SPIDR: variants seen among roughly 807,000 people sequenced by gnomAD.
SPIDR encodes scaffold protein involved in DNA repair.
In SPIDR, 93 loss-of-function variants were observed where a neutral mutation model predicts 104.6. The ratio of observed to expected loss-of-function variants is 0.89; its 90% confidence interval spans 0.75 to 1.06. The LOEUF is 1.06. Among genes scored for constraint, SPIDR ranks in the 50% least tolerant of loss-of-function variants. The pLI is 0.00. For missense variants in SPIDR, 1,154 were observed against 1,111.2 expected (o/e 1.04, Z -0.55); for synonymous variants, 431 against 416.9 (o/e 1.03, Z -0.41).
At chr8:47,694,741 T>C (rs1250626255) in intron 11 of SPIDR, among the ~76,000 whole-genome samples, 3 of 151,988 alleles carry the variant, frequency 2.0e-5, no homozygotes, top group Non-Finnish European at 4.4e-5. Context: ...AGAGCAAGAC[T>C]CTATCTCCAA....
chr8:47,496,843 T>TGTCA (rs2079540479), intron 8 of SPIDR, among the ~76,000 whole-genome samples: 1 of 151,036 alleles, frequency 6.6e-6, no homozygotes, highest in Admixed American at 6.6e-5. Context: ...TTTGTTTGTT[T>TGTCA]GTCAGAAGTT....
chr8:47,291,366 G>A (rs1024074947), intron 4 of SPIDR, among the ~76,000 whole-genome samples: 3 of 152,170 alleles, frequency 2.0e-5, no homozygotes, highest in African/African-American at 4.8e-5. Flanking sequence ...TGCTGGTGAG[G>A]TTGTGGAGAA....
At chr8:47,632,908 G>A (rs553558497) in intron 10 of SPIDR, among the ~76,000 whole-genome samples, 5 of 152,298 alleles carry the variant, frequency 3.3e-5, no homozygotes, top group East Asian at 1.9e-4. Flanking sequence ...GGCCTGCAGC[G>A]GAAGCTCCCA....
intron 8 of SPIDR, among the ~76,000 whole-genome samples, chr8:47,575,890 G>A (rs1301184424): frequency 6.6e-6 from 1 of 150,444 alleles, no homozygotes; most frequent in Non-Finnish European, 1.5e-5. Context: ...AACCTGGCAG[G>A]CGGAGGTTGC....
intron 5 of SPIDR, among the ~76,000 whole-genome samples, chr8:47,349,212 T>C (rs1046051408): frequency 6.6e-6 from 1 of 152,230 alleles, no homozygotes; most frequent in African/African-American, 2.4e-5. Flanking sequence ...GACCCTCAGC[T>C]GCAGGTCTGT....
chr8:47,268,673 G>A (rs2034600912), intron 1 of SPIDR, among the ~76,000 whole-genome samples: 1 of 152,066 alleles, frequency 6.6e-6, no homozygotes, highest in South Asian at 2.1e-4. Flanking sequence ...GCCCAGGCTG[G>A]TCTCAAATTC....
intron 8 of SPIDR, chr8:47,511,766 T>C (rs1284176442): frequency 1.5e-6 from 2 of 1,301,958 alleles, no homozygotes; most frequent in African/African-American, 1.4e-5. Context: ...CCATGCTCTT[T>C]GGCACCTTTA....
intron 8 of SPIDR, among the ~76,000 whole-genome samples, chr8:47,504,717 T>TCTGCTC (rs1459992381): frequency 9.2e-5 from 14 of 152,330 alleles, no homozygotes; most frequent in Admixed American, 2.6e-4. Flanking sequence ...CACTCTGATT[T>TCTGCTC]TTAGAGTTTC....
intron 7 of SPIDR, among the ~76,000 whole-genome samples, chr8:47,422,057 G>A (rs1554681165): frequency 6.6e-6 from 1 of 152,206 alleles, no homozygotes; most frequent in African/African-American, 2.4e-5. Context: ...TCGGAGGTCA[G>A]GGCCCCACTT....
intron 8 of SPIDR, among the ~76,000 whole-genome samples, chr8:47,542,738 T>A (rs2088471422): frequency 6.6e-6 from 1 of 152,308 alleles, no homozygotes; most frequent in South Asian, 2.1e-4. Context: ...TGCAGAACTG[T>A]CATACAATGT....
rs548984303 is a variant in SPIDR at position 47,620,711 on chromosome 8, G to A, written c.1544+21515G>A. 4.6e-5 allele frequency among the ~76,000 whole-genome samples: 7 copies of A among 151,850 alleles called. No individual in the cohort carries two copies. The South Asian group carries it at 1.0e-3, about 23-fold the overall frequency. ...CGGCTAACTGCAATCTCCACCTCCC[G>A]GGTTCAAACGAGTTCCCTGCCTCAG... On this transcript the variant is annotated intron_variant, in intron 10 of 19. Coordinates refer to ENST00000297423, the MANE Select transcript of SPIDR (RefSeq NM_001080394.4).
At chr8:47,480,030 AG>A (rs1363740411) in intron 8 of SPIDR, among the ~76,000 whole-genome samples, 7 of 152,240 alleles carry the variant, frequency 4.6e-5, no homozygotes, top group African/African-American at 1.7e-4. Flanking sequence ...TCAGGGTGAA[AG>A]AAAAAGTAAA....
chr8:47,261,522 C>T (rs1453667676), intron 1 of SPIDR, among the ~76,000 whole-genome samples: 1 of 152,214 alleles, frequency 6.6e-6, no homozygotes, highest in African/African-American at 2.4e-5. Context: ...TGTTTGATTG[C>T]ACCTGTATCC....
chr8:47,682,655 A>C (rs1190156644), intron 11 of SPIDR, among the ~76,000 whole-genome samples: 2 of 152,242 alleles, frequency 1.3e-5, no homozygotes, highest in East Asian at 3.8e-4. Flanking sequence ...CAACTATTTC[A>C]TAAGTTCAGT....
chr8:47,521,095 A>G (rs2083999286), intron 8 of SPIDR, among the ~76,000 whole-genome samples: 1 of 152,192 alleles, frequency 6.6e-6, no homozygotes, highest in South Asian at 2.1e-4. Flanking sequence ...GTCAATAGAG[A>G]GGCTCCGAAG....
rs1435869860 is a variant in SPIDR, at chr8:47,479,382, A to G, written c.1097+38840A>G. ...AAAAAAAAAAAAAAAGAAAGAAAGG[A>G]AAGAAAAGAAAGACATGTGGAGCAC... On this transcript the variant is annotated intron_variant, in intron 8 of 19. Coordinates refer to ENST00000297423, the MANE Select transcript of SPIDR (RefSeq NM_001080394.4). Among the ~76,000 whole-genome samples, 5 of 151,786 alleles carry G rather than the reference A, an allele frequency of 3.3e-5. No homozygotes were observed. In the East Asian group the frequency reaches 9.7e-4, roughly 29 times the overall value.
chr8:47,277,442 TG>T lies in SPIDR; in HGVS notation c.34-2419del, dbSNP rs1345904550. Among the ~76,000 whole-genome samples, 387 of 151,964 alleles carry T rather than the reference TG, an allele frequency of 2.5e-3. 1 individual carries two copies. The highest frequency in any genetic ancestry group is 0.01 in the Middle Eastern group (3 of 290). Reference sequence around the variant, plus strand: ...GAACTGTGGCGTGATTATAGCTTACTGCAGCCTCAAACTCCTGGGCTCAAGC... The same window carrying T: ...GAACTGTGGCGTGATTATAGCTTACTCAGCCTCAAACTCCTGGGCTCAAGC... On this transcript the variant is annotated intron_variant, in intron 1 of 19. Coordinates refer to ENST00000297423, the MANE Select transcript of SPIDR (RefSeq NM_001080394.4).
chr8:47,293,076 T>C (rs1473374564), intron 4 of SPIDR, among the ~76,000 whole-genome samples: 4 of 152,070 alleles, frequency 2.6e-5, no homozygotes, highest in Non-Finnish European at 4.4e-5. Context: ...CCGTTGCCAT[T>C]ATGCATCTGC....
chr8:47,621,718 A>G (rs1020631363), intron 10 of SPIDR, among the ~76,000 whole-genome samples: 2 of 152,270 alleles, frequency 1.3e-5, no homozygotes, highest in African/African-American at 2.4e-5. Flanking sequence ...TTCAAACTTT[A>G]AAAGTTCAAG....
Sources: gnomAD v4.1 joint callset for allele counts (sites outside exome capture counted in the v4.1 genomes callset) on GRCh38, gnomAD v4.1.1 for gene constraint, MANE v1.5 for transcripts, NCBI Gene and HGNC (gene_info 2026-07-23, HGNC 2026-07-21) for gene names.